The following RIPOR3 variants were observed in gnomAD, a reference collection of about 807,000 sequenced individuals.
RIPOR3 encodes RIPOR family member 3.
RIPOR3 carries 95 observed loss-of-function variants against 114.3 expected under a neutral mutation model. The ratio of observed to expected loss-of-function variants is 0.83; its 90% confidence interval spans 0.70 to 0.99. The LOEUF (loss-of-function observed/expected upper bound fraction) is 0.99, where lower values mean the gene tolerates loss of function less well. Among genes scored for constraint, RIPOR3 ranks in the 50% least tolerant of loss-of-function variants. The pLI is 0.00. For synonymous variants in RIPOR3, 575 were observed against 543.8 expected (o/e 1.06, Z -0.80); for missense variants, 1,252 against 1,266.9 (o/e 0.99, Z 0.18).
In RIPOR3 at chr20:50,597,424, C is replaced by T. The variant is rs1348146622; in HGVS notation, c.1790+156G>A. ...GGCTCTGAGGCAAGTGGGGGATGTG[C>T]GGGGATGGCATGGGGAAGGGTGCAC... On this transcript the variant is annotated intron_variant, in intron 14 of 21. Coordinates refer to ENST00000327979, the MANE Select transcript of RIPOR3 (RefSeq NM_001290268.2). 1.1e-5 allele frequency: 12 copies of T among 1,110,558 alleles called. No homozygotes were observed. The East Asian group carries it at 1.3e-4, about 12-fold the overall frequency. 68.8% of individuals were successfully genotyped at this position (1,110,558 alleles called of 1,614,324 possible). A position where few individuals can be genotyped will look rare whatever the true frequency, so the allele number is the denominator to read the frequency against.
chr20:50,686,550 A>G (rs904216674), intron 1 of RIPOR3, among the ~76,000 whole-genome samples: 5 of 151,818 alleles, frequency 3.3e-5, no homozygotes, highest in African/African-American at 1.2e-4. Context: ...GGAGTTCGAG[A>G]CCAGCCTGAC....
chr20:50,644,826 ATTTATTT>A (rs1206379527), intron 1 of RIPOR3, among the ~76,000 whole-genome samples: 5 of 137,214 alleles, frequency 3.6e-5, no homozygotes, highest in South Asian at 2.3e-4. Flanking sequence ...CAGCCCTTTT[ATTTATTT>A]TTTATTTTTT....
chr20:50,654,018 C>T (rs1296379154), intron 1 of RIPOR3: 7 of 152,094 alleles, frequency 4.6e-5, no homozygotes, highest in Non-Finnish European at 8.8e-5. Flanking sequence ...ACCGGGACCC[C>T]GTCTCCCAAT....
chr20:50,630,610 G>C (rs575489913), intron 2 of RIPOR3, 128 bp downstream of exon 2: 1 of 624,904 alleles, frequency 1.6e-6, no homozygotes, highest in African/African-American at 1.9e-5. Context: ...TGTCTCTCTC[G>C]GGCTGCAAGC....
At chr20:50,643,161 C>T (rs986443997) in intron 1 of RIPOR3, among the ~76,000 whole-genome samples, 3 of 147,308 alleles carry the variant, frequency 2.0e-5, no homozygotes, top group Non-Finnish European at 4.4e-5. Flanking sequence ...CTCGCTCTGT[C>T]GCCCAGGCGG....
In RIPOR3 at chr20:50,637,726, T is replaced by G. The variant is rs528227651; in HGVS notation, c.4-6870A>C. ...CCCATCTGTACTAAAAATACAAAAATTAGCCAGGCGTAGTGGCGGGCTCCT... is the reference window on the plus strand; with the variant it reads ...CCCATCTGTACTAAAAATACAAAAAGTAGCCAGGCGTAGTGGCGGGCTCCT... On this transcript the variant is annotated intron_variant, in intron 1 of 21. Transcript: ENST00000327979. Among the ~76,000 whole-genome samples, 226 of 152,056 alleles carry G rather than the reference T, an allele frequency of 1.5e-3. 1 individual carries two copies. The highest frequency in any genetic ancestry group is 2.5e-3 in the Non-Finnish European group (169 of 67,986).
At chr20:50,591,139 T>G (rs1258649637) in intron 19 of RIPOR3, among the ~76,000 whole-genome samples, 1 of 152,172 alleles carries the variant, frequency 6.6e-6, no homozygotes, top group Non-Finnish European at 1.5e-5. Flanking sequence ...TTAGATTGAT[T>G]GGAAGCCATC....
At chr20:50,607,308 T>C (rs978589342) in intron 11 of RIPOR3, among the ~76,000 whole-genome samples, 36 of 152,100 alleles carry the variant, frequency 2.4e-4, no homozygotes, top group African/African-American at 8.2e-4. Flanking sequence ...AGGGTGGGAA[T>C]CCAGGCGAGC....
intron 1 of RIPOR3, among the ~76,000 whole-genome samples, chr20:50,666,213 T>TTTCCTTTCCTTTCCTTTCCTTTCCTTTC (rs2086223727): frequency 8.8e-6 from 1 of 113,100 alleles, no homozygotes; most frequent in African/African-American, 4.0e-5. Flanking sequence ...TTTTCTTTTC[T>TTTCCTTTCCTTTCCTTTCCTTTCCTTTC]TTTCTTTTCT....
intron 11 of RIPOR3, 106 bp downstream of exon 11, chr20:50,608,283 G>A: frequency 6.6e-7 from 1 of 1,519,690 alleles, no homozygotes; most frequent in Non-Finnish European, 8.9e-7. Flanking sequence ...TGAGGGCAGG[G>A]ACACCCTTGG....
intron 2 of RIPOR3, among the ~76,000 whole-genome samples, chr20:50,620,482 C>T (rs896977032): frequency 1.3e-5 from 2 of 152,014 alleles, no homozygotes; most frequent in African/African-American, 4.8e-5. Flanking sequence ...CAAAAATTAG[C>T]CGGATGTGGT....
intron 1 of RIPOR3, among the ~76,000 whole-genome samples, chr20:50,654,474 A>G (rs1365889758): frequency 1.8e-5 from 2 of 108,858 alleles, no homozygotes; most frequent in African/African-American, 7.1e-5. Context: ...TCTGTCACCC[A>G]GGCTGGAGTG....
chr20:50,602,316 C>A lies in RIPOR3; in HGVS notation c.1415G>T (p.Gly472Val), dbSNP rs543434720. Residue 472 changes from glycine (G) to valine (V), a missense_variant, in exon 13 of 22, where the codon GGC (glycine) becomes GTC (valine). By Grantham distance (109) the Gly-to-Val change is moderately radical. Transcript: ENST00000327979. The surrounding 1 kb of genome is among the most constrained non-coding windows in gnomAD (Gnocchi z 4.3). ...LSGGPFAEQP[G>V]WRNLGGESPS... Reference sequence around the variant, plus strand: ...GCTCTCCCCTCCTAAGTTCCTCCAGCCAGGCTGCTCTGCAAACGGGCCTCC... The same window carrying A: ...GCTCTCCCCTCCTAAGTTCCTCCAGACAGGCTGCTCTGCAAACGGGCCTCC... The A allele has an allele frequency of 6.2e-7, 1 of 1,613,930 alleles. No individual in the cohort carries two copies. The highest frequency in any genetic ancestry group is 1.7e-5 in the Admixed American group (1 of 60,030).
rs991638929 is a variant in RIPOR3, at chr20:50,602,963, A to G, written c.1087-319T>C. Among the ~76,000 whole-genome samples, 1 of 152,026 alleles carries G rather than the reference A, an allele frequency of 6.6e-6. No homozygotes were observed. Among genetic ancestry groups the G allele is most frequent in the Non-Finnish European group, 1.5e-5 (1 of 67,990 alleles). On this transcript the variant is annotated intron_variant, in intron 12 of 21. Transcript: ENST00000327979. The surrounding 1 kb of genome is among the most constrained non-coding windows in gnomAD (Gnocchi z 4.3). Reference sequence around the variant, plus strand: ...TGCTCTCGTCAGAACACTCTTCCCCATGTGCCTTCATGGCTTGTGCCCTCG... The same window carrying G: ...TGCTCTCGTCAGAACACTCTTCCCCGTGTGCCTTCATGGCTTGTGCCCTCG...
At chr20:50,607,543 G>A (rs1393700613) in intron 11 of RIPOR3, among the ~76,000 whole-genome samples, 1 of 152,172 alleles carries the variant, frequency 6.6e-6, no homozygotes, top group East Asian at 1.9e-4. Flanking sequence ...CTCTGCCCAG[G>A]GTGTCTGCAG....
intron 1 of RIPOR3, among the ~76,000 whole-genome samples, chr20:50,658,361 T>G (rs2085886565): frequency 6.6e-6 from 1 of 152,194 alleles, no homozygotes; most frequent in African/African-American, 2.4e-5. Context: ...GGACAAGTGA[T>G]GTATGATCCT....
intron 4 of RIPOR3, among the ~76,000 whole-genome samples, chr20:50,614,235 C>G (rs144084986): frequency 0.024 from 3,611 of 152,230 alleles, 85 homozygotes; most frequent in African/African-American, 0.056. Flanking sequence ...GGGGTTTCAC[C>G]ATGTTGGCCA....
chr20:50,596,106 T>C (rs1423965329), intron 15 of RIPOR3, 34 bp downstream of exon 15: 1 of 1,613,570 alleles, frequency 6.2e-7, no homozygotes, highest in Admixed American at 1.7e-5. Context: ...AACCCCTGTC[T>C]GCCCCTCCCT....
chr20:50,604,829 G>A, intron 11 of RIPOR3, 55 bp from the exon 12 acceptor site: 1 of 1,587,040 alleles, frequency 6.3e-7, no homozygotes, highest in Non-Finnish European at 8.5e-7. Flanking sequence ...GCCATTTCAG[G>A]CCCAGACGGC....
Sources: gnomAD v4.1 joint callset for allele counts (sites outside exome capture counted in the v4.1 genomes callset) on GRCh38, gnomAD v4.1.1 for gene constraint, Gnocchi (gnomAD v3.1) non-coding constraint, MANE v1.5 for transcripts, NCBI Gene and HGNC (gene_info 2026-07-23, HGNC 2026-07-21) for gene names.